CACNA1E: variants seen among roughly 807,000 people sequenced by gnomAD.
CACNA1E encodes voltage-dependent R-type calcium channel subunit alpha-1E.
CACNA1E carries 40 observed loss-of-function variants against 259.2 expected under a neutral mutation model. That is an observed-to-expected ratio of 0.15 (90% CI 0.12 to 0.20). The LOEUF is 0.20. Among genes scored for constraint, CACNA1E ranks in the 10% least tolerant of loss-of-function variants. The pLI is 1.00. For missense variants in CACNA1E, 1,874 were observed against 3,040.1 expected, an observed-to-expected ratio of 0.62 and a Z score of 9.02; for synonymous variants, 1,104 against 1,138.5, an observed-to-expected ratio of 0.97 and a Z score of 0.61.
intron 1 of CACNA1E, among the ~76,000 whole-genome samples, chr1:181,409,438 G>T (rs1269103405): frequency 6.6e-6 from 1 of 152,204 alleles, no homozygotes. Flanking sequence ...CCTACTGTGT[G>T]CCCAAGAAGG....
chr1:181,625,788 A>G (rs903674501), intron 6 of CACNA1E, among the ~76,000 whole-genome samples: 2 of 152,178 alleles, frequency 1.3e-5, no homozygotes, highest in African/African-American at 4.8e-5. Context: ...TGCACTCACA[A>G]TTTGGCCATT....
In CACNA1E at chr1:181,580,723, C is replaced by T. The variant is rs752043827; in HGVS notation, c.898C>T (p.Leu300=). The change falls in exon 6 of 48, where the codon CTG becomes TTG. Residue 300 remains leucine (L), a synonymous_variant. Transcript: ENST00000367573. ...GTTTGATAACATCCTTTTTGCTGTG[C>T]TGACTGTCTTCCAGTGCATCACCAT... ...TQFDNILFAV[L]TVFQCITMEG... 1.2e-6 allele frequency: 2 copies of T among 1,614,018 alleles called. No homozygotes were observed. The highest frequency in any genetic ancestry group is 3.3e-5 in the Admixed American group (2 of 60,032).
intron 1 of CACNA1E, among the ~76,000 whole-genome samples, chr1:181,391,935 CTCTCTCTCTCTGTGTGTG>C (rs1184673744): frequency 1.0e-4 from 8 of 76,770 alleles, no homozygotes; most frequent in African/African-American, 2.8e-4. Context: ...GTCTCTCTCT[CTCTCTCTCTCTGTGTGTG>C]TGTGTGTGTG....
chr1:181,349,889 G>A (rs1303251927), intron 1 of CACNA1E, among the ~76,000 whole-genome samples: 11 of 152,168 alleles, frequency 7.2e-5, no homozygotes, highest in Admixed American at 7.2e-4. Context: ...GTGACCCCAG[G>A]CAAGTCACTG....
chr1:181,476,212 A>G (rs1662839535), intron 2 of CACNA1E, among the ~76,000 whole-genome samples: 1 of 152,198 alleles, frequency 6.6e-6, no homozygotes, highest in Non-Finnish European at 1.5e-5. Flanking sequence ...CAGAGCTAGT[A>G]AATGGCCTGC....
chr1:181,382,974 G>A (rs1372655843), intron 1 of CACNA1E, among the ~76,000 whole-genome samples: 2 of 152,158 alleles, frequency 1.3e-5, no homozygotes, highest in East Asian at 3.9e-4. Context: ...TACACAGCCA[G>A]CCATCTTGTC....
chr1:181,693,643 T>G (rs59333181), intron 7 of CACNA1E, among the ~76,000 whole-genome samples: 17,650 of 152,090 alleles, frequency 0.12, 1,080 homozygotes, highest in Middle Eastern at 0.16. Context: ...CAATAGACAC[T>G]GGGTACTACT....
chr1:181,606,357 G>T (rs1654236808), intron 6 of CACNA1E, among the ~76,000 whole-genome samples: 1 of 151,984 alleles, frequency 6.6e-6, no homozygotes, highest in Non-Finnish European at 1.5e-5. Flanking sequence ...ACCTCACATT[G>T]TCCTTCTTTT....
intron 7 of CACNA1E, among the ~76,000 whole-genome samples, chr1:181,693,323 T>C (rs1343944247): frequency 6.6e-6 from 1 of 151,914 alleles, no homozygotes; most frequent in African/African-American, 2.4e-5. Flanking sequence ...CCAAAGAAAA[T>C]AAATTGTTCT....
intron 6 of CACNA1E, among the ~76,000 whole-genome samples, chr1:181,632,922 C>G (rs1656876685): frequency 6.6e-6 from 1 of 152,100 alleles, no homozygotes; most frequent in African/African-American, 2.4e-5. Context: ...CCAGTAGTTT[C>G]CTAAAAAATA....
chr1:181,781,369 TG>T, intron 38 of CACNA1E, 57 bp from the exon 39 acceptor site: 1 of 787,730 alleles, frequency 1.3e-6, no homozygotes, highest in Non-Finnish European at 2.2e-6. Flanking sequence ...CTCCTTTCCC[TG>T]CCACCCCACT....
intron 23 of CACNA1E, among the ~76,000 whole-genome samples, chr1:181,738,084 A>G (rs778895757): frequency 1.2e-4 from 18 of 152,210 alleles, no homozygotes; most frequent in Non-Finnish European, 2.5e-4. Context: ...AGGGACAGGT[A>G]TGTGGGCAAT....
intron 1 of CACNA1E, among the ~76,000 whole-genome samples, chr1:181,406,249 A>G (rs989213544): frequency 2.0e-5 from 3 of 152,222 alleles, no homozygotes; most frequent in African/African-American, 7.2e-5. Context: ...TTATTAAGCT[A>G]TAGATATTTT....
chr1:181,358,146 C>T (rs1653596643), intron 1 of CACNA1E, among the ~76,000 whole-genome samples: 1 of 152,132 alleles, frequency 6.6e-6, no homozygotes, highest in South Asian at 2.1e-4. Context: ...AGGCCGGGTC[C>T]ACAGCTAGCT....
intron 3 of CACNA1E, among the ~76,000 whole-genome samples, chr1:181,526,347 T>C (rs559152331): frequency 2.6e-5 from 4 of 151,768 alleles, no homozygotes; most frequent in Middle Eastern, 3.4e-3. Flanking sequence ...CTCCAGAGCT[T>C]AGGTTTCTGA....
At chr1:181,420,959 T>C (rs1658689040) in intron 2 of CACNA1E, among the ~76,000 whole-genome samples, 1 of 152,168 alleles carries the variant, frequency 6.6e-6, no homozygotes, top group Non-Finnish European at 1.5e-5. Flanking sequence ...CTTAGTACTG[T>C]GTTGGGCACA....
At chr1:181,438,694 C>T (rs921123527) in intron 2 of CACNA1E, among the ~76,000 whole-genome samples, 32 of 152,160 alleles carry the variant, frequency 2.1e-4, no homozygotes, top group African/African-American at 6.8e-4. Flanking sequence ...CCACTCTTGT[C>T]ACTGATGAGG....
rs1242204375 is a variant in CACNA1E at position 181,802,293 on chromosome 1, A to G, written c.*3459A>G. On this transcript the variant is annotated 3_prime_UTR_variant, in exon 48 of 48. Transcript: ENST00000367573. ...TTCCTATTCAATGTCTCCATAGGGCACTGAGATCACCAAGAACATTACCCA... is the reference window on the plus strand; with the variant it reads ...TTCCTATTCAATGTCTCCATAGGGCGCTGAGATCACCAAGAACATTACCCA... 6.6e-6 allele frequency: 1 copy of G among 152,190 alleles called. No homozygotes were observed. Among genetic ancestry groups the G allele is most frequent in the Non-Finnish European group, 1.5e-5 (1 of 68,038 alleles). The allele number at this position is 152,190 out of a possible 1,614,324, so 9.4% of individuals were successfully genotyped here. A position where few individuals can be genotyped will look rare whatever the true frequency, so the allele number is the denominator to read the frequency against.
At chr1:181,706,116 AAT>A (rs1652771819) in intron 7 of CACNA1E, among the ~76,000 whole-genome samples, 1 of 152,130 alleles carries the variant, frequency 6.6e-6, no homozygotes, top group Non-Finnish European at 1.5e-5. Context: ...GGCCTTAGGG[AAT>A]ATGAACACTC....
Sources: gnomAD v4.1 joint callset for allele counts (sites outside exome capture counted in the v4.1 genomes callset) on GRCh38, gnomAD v4.1.1 for gene constraint, MANE v1.5 for transcripts, NCBI Gene and HGNC (gene_info 2026-07-23, HGNC 2026-07-21) for gene names.